The following TMEM248 variants were observed in gnomAD, a reference collection of about 807,000 sequenced individuals.
The protein encoded by TMEM248 is transmembrane protein 248, also known as UPF0458 protein C7orf42.
TMEM248 carries 9 observed loss-of-function variants against 30.3 expected under a neutral mutation model. The ratio of observed to expected loss-of-function variants is 0.30; its 90% CI spans 0.18 to 0.52. The LOEUF (loss-of-function observed/expected upper bound fraction) is 0.52. TMEM248 is among the 20% of genes least tolerant of loss of function. The pLI is 0.97. For missense variants in TMEM248, 338 were observed against 403.3 expected, an observed-to-expected ratio of 0.84 and a Z score of 1.39; for synonymous variants, 184 against 154.4, an observed-to-expected ratio of 1.19 and a Z score of -1.42.
At chr7:66,934,835 C>T (rs1218107126) in intron 1 of TMEM248, among the ~76,000 whole-genome samples, 5 of 152,030 alleles carry the variant, frequency 3.3e-5, no homozygotes, top group African/African-American at 1.2e-4. Flanking sequence ...GCGTATCACT[C>T]GAGGACAGGA....
Position 66,948,554 on chromosome 7 carries a change from C to G in TMEM248, c.456C>G (p.Ala152=), listed in dbSNP as rs759201356. ...GHQIGLSGRE[A]HEEINITFTL... ...ATTTCTCTTTCATAGGCAGGGAAGC[C>G]CACGAGGAGATAAACATCACCTTCA... Residue 152 remains alanine, a synonymous_variant, in exon 4 of 7, where the codon GCC becomes GCG. Transcript: ENST00000341567. The G allele has an allele frequency of 6.2e-7, 1 of 1,613,532 alleles. No homozygotes were observed. The highest frequency in any genetic ancestry group is 1.1e-5 in the South Asian group (1 of 90,976).
chr7:66,948,269 C>T (rs1251333661), intron 3 of TMEM248, among the ~76,000 whole-genome samples: 1 of 152,130 alleles, frequency 6.6e-6, no homozygotes, highest in East Asian at 1.9e-4. Context: ...TTCACCCAGC[C>T]CGAGCTTTTC....
At chr7:66,925,323 T>C (rs1729204849) in intron 1 of TMEM248, among the ~76,000 whole-genome samples, 2 of 152,152 alleles carry the variant, frequency 1.3e-5, no homozygotes, top group African/African-American at 2.4e-5. Context: ...AAAATAACTG[T>C]ATTAACTATA....
intron 1 of TMEM248, among the ~76,000 whole-genome samples, chr7:66,924,524 C>T (rs1791472508): frequency 1.3e-5 from 2 of 152,196 alleles, no homozygotes; most frequent in Admixed American, 1.3e-4. Context: ...CCTGCCTCAG[C>T]CTCTTGAGTA....
intron 1 of TMEM248, among the ~76,000 whole-genome samples, chr7:66,929,050 A>G (rs1791597585): frequency 6.6e-6 from 1 of 152,136 alleles, no homozygotes; most frequent in Non-Finnish European, 1.5e-5. Flanking sequence ...AGCCTCCCAG[A>G]GTGCTAGAAT....
chr7:66,947,200 G>A (rs1792128177), intron 3 of TMEM248, among the ~76,000 whole-genome samples: 1 of 137,290 alleles, frequency 7.3e-6, no homozygotes, highest in African/African-American at 2.7e-5. Flanking sequence ...GGGCAATAGA[G>A]TGAGACCCTG....
intron 3 of TMEM248, among the ~76,000 whole-genome samples, chr7:66,947,059 A>T (rs3778917): frequency 0.38 from 57,304 of 151,624 alleles, 13,531 homozygotes; most frequent in Non-Finnish European, 0.53. Context: ...TGAAAAAATT[A>T]AAAAAATTAA....
At chr7:66,940,925 T>TA (rs138328685) in intron 1 of TMEM248, among the ~76,000 whole-genome samples, 6,154 of 152,306 alleles carry the variant, frequency 0.04, 412 homozygotes, top group African/African-American at 0.14. Context: ...TCTTAAGTGA[T>TA]ACGGAAGTAA....
At position 66,925,722 on chromosome 7, in the gene TMEM248, C is replaced by T. The variant is rs1368292379; in HGVS notation, c.-19+4261C>T. ...TTTTTTTTTTTTGGAGACAGAGTCT[C>T]GCTCTGTTGCCTGGATTCAAGCGAT... On this transcript the variant is annotated intron_variant, in intron 1 of 6. Coordinates refer to ENST00000341567, the MANE Select transcript of TMEM248 (RefSeq NM_017994.5). Among the ~76,000 whole-genome samples the T allele has an allele frequency of 4.1e-5, 6 of 146,222 alleles. No individual in the cohort carries two copies. In the South Asian group the frequency reaches 1.1e-3, roughly 26 times the overall value.
At chr7:66,948,814 T>G in intron 4 of TMEM248, 120 bp downstream of exon 4, 1 of 1,105,634 alleles carries the variant, frequency 9.0e-7, no homozygotes, top group East Asian at 2.6e-5. Flanking sequence ...TATAGAATTA[T>G]CTCTACTCGG....
intron 1 of TMEM248, among the ~76,000 whole-genome samples, chr7:66,937,021 T>C (rs1484843720): frequency 6.6e-6 from 1 of 152,182 alleles, no homozygotes; most frequent in Non-Finnish European, 1.5e-5. Context: ...GCTTTTTTGA[T>C]GTTTTTCTAC....
At chr7:66,922,336 C>G (rs1791408023) in intron 1 of TMEM248, 2 of 152,164 alleles carry the variant, frequency 1.3e-5, no homozygotes, top group African/African-American at 4.8e-5. Context: ...GCACCATCAG[C>G]TTGGGTCAGC....
chr7:66,938,642 G>C (rs1030613850), intron 1 of TMEM248, among the ~76,000 whole-genome samples: 28 of 152,056 alleles, frequency 1.8e-4, no homozygotes, highest in African/African-American at 5.1e-4. Flanking sequence ...CAACTAGCTG[G>C]GACTACAGGC....
chr7:66,926,794 C>T (rs1327971361), intron 1 of TMEM248, among the ~76,000 whole-genome samples: 2 of 152,156 alleles, frequency 1.3e-5, no homozygotes, highest in Non-Finnish European at 2.9e-5. Context: ...TTAACTTTCT[C>T]ATGTACGAAT....
At chr7:66,935,258 C>T (rs1270383002) in intron 1 of TMEM248, among the ~76,000 whole-genome samples, 1 of 151,952 alleles carries the variant, frequency 6.6e-6, no homozygotes, top group African/African-American at 2.4e-5. Context: ...TCTCAGCTCA[C>T]TGCAACCTCC....
At chr7:66,924,063 A>G (rs1257702499) in intron 1 of TMEM248, among the ~76,000 whole-genome samples, 1 of 152,272 alleles carries the variant, frequency 6.6e-6, no homozygotes, top group Non-Finnish European at 1.5e-5. Flanking sequence ...ATTAAGGACA[A>G]TGAAAAAGAT....
chr7:66,928,806 G>A (rs75440879), intron 1 of TMEM248, among the ~76,000 whole-genome samples: 2,211 of 151,434 alleles, frequency 0.015, 59 homozygotes, highest in East Asian at 0.092. Context: ...TTCATTTTTT[G>A]AGATAGGGTT....
chr7:66,951,233 T>TGGTATCA, intron 5 of TMEM248, 98 bp downstream of exon 5: 1 of 1,171,838 alleles, frequency 8.5e-7, no homozygotes, highest in South Asian at 2.2e-5. Context: ...CTGACTTCCC[T>TGGTATCA]GGGTAAGCGT....
At chr7:66,930,071 G>T (rs1431061388) in intron 1 of TMEM248, among the ~76,000 whole-genome samples, 1 of 152,136 alleles carries the variant, frequency 6.6e-6, no homozygotes, top group Non-Finnish European at 1.5e-5. Context: ...AAGGTGGGAG[G>T]ATCGCTTGCG....
Sources: allele counts gnomAD v4.1 joint callset (sites outside exome capture counted in the v4.1 genomes callset), GRCh38; gene constraint gnomAD v4.1.1; transcripts MANE v1.5; gene names NCBI Gene and HGNC (gene_info 2026-07-23, HGNC 2026-07-21).